The following LIFR variants were observed in gnomAD, a reference collection of about 807,000 sequenced individuals.
LIFR encodes the protein leukemia inhibitory factor receptor.
Under a neutral mutation model 122.2 loss-of-function variants are expected in LIFR, and 84 were observed. That is an observed-to-expected ratio of 0.69 (90% CI 0.58 to 0.82). LIFR has a LOEUF of 0.82. Ranked by LOEUF, LIFR falls within the 40% of genes least tolerant of loss-of-function variation. The pLI, the probability that LIFR is intolerant of heterozygous loss-of-function variation, is 0.00. For synonymous variants in LIFR, 422 were observed against 434.7 expected (o/e 0.97, Z 0.36); for missense variants, 1,294 against 1,311.6 (o/e 0.99, Z 0.21).
intron 13 of LIFR, 42 bp downstream of exon 13, chr5:38,496,340 T>C (rs758806741): frequency 2.1e-6 from 3 of 1,429,154 alleles, no homozygotes; most frequent in African/African-American, 1.4e-5. Context: ...TTTCTCACTT[T>C]AGTTTCCCGT....
chr5:38,497,355 A>G (rs1470947258), intron 12 of LIFR, among the ~76,000 whole-genome samples: 3 of 152,242 alleles, frequency 2.0e-5, no homozygotes, highest in African/African-American at 7.2e-5. Context: ...GGAGCAGGGT[A>G]AATCAGGAAA....
chr5:38,516,485 T>C (rs1561166072), intron 5 of LIFR, among the ~76,000 whole-genome samples: 3 of 152,132 alleles, frequency 2.0e-5, no homozygotes, highest in Admixed American at 1.3e-4. Context: ...ATTAGAGAAA[T>C]GCAAATCAAA....
At chr5:38,553,647 TATATATATATATATATATATATATA>T (rs1561203419) in intron 1 of LIFR, among the ~76,000 whole-genome samples, 1 of 96,674 alleles carries the variant, frequency 1.0e-5, no homozygotes, top group African/African-American at 4.6e-5. Flanking sequence ...TATATATATA[TATATATATATATATATATATATATA>T]TTATATGTAT....
At chr5:38,483,434 T>C (rs1419755211) in intron 18 of LIFR, among the ~76,000 whole-genome samples, 2 of 152,076 alleles carry the variant, frequency 1.3e-5, no homozygotes, top group Non-Finnish European at 2.9e-5. Flanking sequence ...GTTTTTTTGG[T>C]TTTTTTGAGA....
At chr5:38,493,915 T>C in intron 13 of LIFR, 130 bp from the exon 14 acceptor site, 2 of 753,916 alleles carry the variant, frequency 2.7e-6, no homozygotes, top group Non-Finnish European at 2.3e-6. Context: ...TCAAACTAGA[T>C]AAACCTAGAG....
intron 5 of LIFR, 150 bp from the exon 6 acceptor site, chr5:38,512,114 A>G: frequency 1.3e-6 from 1 of 757,064 alleles, no homozygotes; most frequent in Non-Finnish European, 2.3e-6. Flanking sequence ...GTAAGGTATA[A>G]TAGCAGAGTA....
At chr5:38,561,992 G>C (rs752783665) in intron 1 of LIFR, among the ~76,000 whole-genome samples, 13 of 152,122 alleles carry the variant, frequency 8.5e-5, no homozygotes, top group African/African-American at 1.2e-4. Flanking sequence ...AGGCTAAATG[G>C]CACAGCTGTT....
chr5:38,548,806 CA>C lies in LIFR; in HGVS notation c.-20+7527del, dbSNP rs144544213. On this transcript the variant is annotated intron_variant, in intron 1 of 19. Coordinates refer to ENST00000453190, the MANE Select transcript of LIFR (RefSeq NM_001127671.2). Reference sequence around the variant, plus strand: ...AAATAAAACTCGACAAAGTATTTCCCAGTGACCAGAAGCAACAAAATAGTTT... The same window carrying C: ...AAATAAAACTCGACAAAGTATTTCCCGTGACCAGAAGCAACAAAATAGTTT... 8.2e-3 allele frequency among the ~76,000 whole-genome samples: 1,249 copies of C among 152,250 alleles called. 14 individuals carry two copies. Among genetic ancestry groups the C allele is most frequent in the African/African-American group, 0.029 (1,197 of 41,524 alleles).
intron 1 of LIFR, among the ~76,000 whole-genome samples, chr5:38,548,857 C>T (rs889952343): frequency 5.9e-5 from 9 of 152,098 alleles, no homozygotes; most frequent in South Asian, 4.1e-4. Flanking sequence ...AAATGCTTTC[C>T]GTAACAGTTT....
intron 1 of LIFR, among the ~76,000 whole-genome samples, chr5:38,536,556 T>C (rs891852996): frequency 4.6e-5 from 7 of 152,200 alleles, no homozygotes; most frequent in African/African-American, 9.6e-5. Flanking sequence ...CCCACAGAGA[T>C]AGAGGGACAA....
At chr5:38,538,042 G>A (rs1747385344) in intron 1 of LIFR, among the ~76,000 whole-genome samples, 1 of 152,094 alleles carries the variant, frequency 6.6e-6, no homozygotes, top group Non-Finnish European at 1.5e-5. Context: ...GTACATTTAA[G>A]GTGTTTCACA....
chr5:38,551,770 C>T (rs1372761279), intron 1 of LIFR, among the ~76,000 whole-genome samples: 5 of 152,174 alleles, frequency 3.3e-5, no homozygotes, highest in Admixed American at 3.3e-4. Flanking sequence ...ATCCACCTAC[C>T]AGAAGTTTTT....
At chr5:38,582,261 A>G (rs894931854) in intron 1 of LIFR, among the ~76,000 whole-genome samples, 3 of 152,096 alleles carry the variant, frequency 2.0e-5, no homozygotes, top group African/African-American at 7.2e-5. Flanking sequence ...ATCTCAGAAC[A>G]TACTGACAGA....
In LIFR at chr5:38,476,370, G is replaced by A. The variant is rs58755763; in HGVS notation, c.*5225C>T. On this transcript the variant is annotated 3_prime_UTR_variant, in exon 20 of 20. Coordinates refer to ENST00000453190, the MANE Select transcript of LIFR (RefSeq NM_001127671.2). ...ACTGGAATGTTTAGGAAAATAGTTC[G>A]GAAGCTGAAAGTTACCCATTTAAAA... The A allele has an allele frequency of 0.028, 5,797 of 207,444 alleles. 334 individuals are homozygous for A. The highest frequency in any genetic ancestry group is 0.12 in the African/African-American group (5,117 of 43,902). The allele number at this position is 207,444 out of a possible 1,614,324, so 12.9% of individuals were successfully genotyped here. A position where few individuals can be genotyped will look rare whatever the true frequency, so the allele number is the denominator to read the frequency against.
chr5:38,493,904 C>T lies in LIFR; in HGVS notation c.1886-119G>A, dbSNP rs1744735954. On this transcript the variant is annotated intron_variant, in intron 13 of 19. Transcript: ENST00000453190. The stretch of plus-strand genomic sequence containing the variant: ...ATTGTGAAGAAATTATAAAATAGTG[C>T]TCAAACTAGATAAACCTAGAGCAAA... 3.7e-6 allele frequency: 3 copies of T among 810,476 alleles called. No individual in the cohort carries two copies. The East Asian group carries it at 7.9e-5, about 21-fold the overall frequency. The allele number at this position is 810,476 out of a possible 1,614,324, so 50.2% of individuals were successfully genotyped here. A position where few individuals can be genotyped will look rare whatever the true frequency, so the allele number is the denominator to read the frequency against.
At chr5:38,528,097 C>T (rs760522968) in intron 3 of LIFR, among the ~76,000 whole-genome samples, 13 of 152,178 alleles carry the variant, frequency 8.5e-5, no homozygotes, top group South Asian at 2.1e-4. Flanking sequence ...CTCCAAATCA[C>T]GCCATCTCAT....
At chr5:38,512,043 T>C (rs1181844370) in intron 5 of LIFR, 79 bp from the exon 6 acceptor site, 11 of 1,377,302 alleles carry the variant, frequency 8.0e-6, no homozygotes, top group East Asian at 7.2e-5. Context: ...AAAGACACAA[T>C]AGATTCCATA....
intron 6 of LIFR, 78 bp from the exon 7 acceptor site, chr5:38,510,796 TTTTCA>T: frequency 8.0e-7 from 1 of 1,245,506 alleles, no homozygotes; most frequent in Non-Finnish European, 1.1e-6. Context: ...TAAGACTTTC[TTTTCA>T]TAAGATGACT....
chr5:38,556,991 C>T (rs1372497769), upstream of LIFR: 1 of 152,156 alleles, frequency 6.6e-6, no homozygotes, highest in African/African-American at 2.4e-5. Flanking sequence ...CGCGCCTCCC[C>T]GAATGCGGCC....
Sources: gnomAD v4.1 joint callset for allele counts (sites outside exome capture counted in the v4.1 genomes callset) on GRCh38, gnomAD v4.1.1 for gene constraint, MANE v1.5 for transcripts, NCBI Gene and HGNC (gene_info 2026-07-23, HGNC 2026-07-21) for gene names.